Variants in GALNT1 observed in about 807,000 individuals in gnomAD.
The protein encoded by GALNT1 is GalNAc transferase 1.
GALNT1 carries 17 observed loss-of-function variants against 65.7 expected under a neutral mutation model. The ratio of observed to expected loss-of-function variants is 0.26; its 90% CI spans 0.18 to 0.39. The LOEUF is 0.39. Among genes scored for constraint, GALNT1 ranks in the 10% least tolerant of loss-of-function variants. The probability of loss-of-function intolerance (pLI) is 1.00; values close to 1 mark genes in which losing one functional copy is unlikely to be tolerated. For synonymous variants in GALNT1, 210 were observed against 219.7 expected (o/e 0.96, Z 0.39); for missense variants, 460 against 672.8 (o/e 0.68, Z 3.50).
At chr18:35,703,064 C>A in intron 10 of GALNT1, 69 bp downstream of exon 10, 1 of 815,834 alleles carries the variant, frequency 1.2e-6, no homozygotes, top group African/African-American at 1.8e-5. Context: ...TTTTTTTATA[C>A]CATGACATCA....
At chr18:35,679,507 C>G (rs896637171) in intron 4 of GALNT1, among the ~76,000 whole-genome samples, 4 of 152,140 alleles carry the variant, frequency 2.6e-5, no homozygotes, top group African/African-American at 9.7e-5. Context: ...TCACCCAACA[C>G]CCCAATCTGT....
At chr18:35,706,503 AAAAAT>A (rs146003367) in intron 11 of GALNT1, among the ~76,000 whole-genome samples, 12,347 of 152,100 alleles carry the variant, frequency 0.081, 554 homozygotes, top group African/African-American at 0.12. Flanking sequence ...CTCCATCTCA[AAAAAT>A]AAAATTAAAT....
At chr18:35,644,991 A>AAAAT (rs555079414) in intron 1 of GALNT1, among the ~76,000 whole-genome samples, 1 of 151,994 alleles carries the variant, frequency 6.6e-6, no homozygotes. Context: ...ACTCTGTCTC[A>AAAAT]AAATAAATAA....
chr18:35,621,669 G>C (rs975643030), intron 1 of GALNT1, among the ~76,000 whole-genome samples: 5 of 152,122 alleles, frequency 3.3e-5, no homozygotes, highest in Non-Finnish European at 7.4e-5. Flanking sequence ...TGTGGTTTGT[G>C]CTTTTTGAAT....
At chr18:35,612,423 T>C (rs1414659136) in intron 1 of GALNT1, among the ~76,000 whole-genome samples, 1 of 152,236 alleles carries the variant, frequency 6.6e-6, no homozygotes, top group Non-Finnish European at 1.5e-5. Context: ...TTTAACCATT[T>C]TTTCAGTAAA....
chr18:35,624,146 G>T (rs946496168), intron 1 of GALNT1, among the ~76,000 whole-genome samples: 1 of 152,156 alleles, frequency 6.6e-6, no homozygotes, highest in Non-Finnish European at 1.5e-5. Flanking sequence ...AGCCTTTGGA[G>T]TCTGTCCTGT....
chr18:35,621,153 A>G (rs536563770), intron 1 of GALNT1, among the ~76,000 whole-genome samples: 24 of 151,296 alleles, frequency 1.6e-4, no homozygotes, highest in African/African-American at 5.8e-4. Flanking sequence ...CCATTTTTCA[A>G]TTGTGTGTGT....
chr18:35,655,641 A>G (rs1461261882), intron 2 of GALNT1, among the ~76,000 whole-genome samples: 1 of 151,942 alleles, frequency 6.6e-6, no homozygotes, highest in Non-Finnish European at 1.5e-5. Flanking sequence ...TAGAAATTAT[A>G]TACAAATAAT....
chr18:35,636,234 A>T (rs1295291682), intron 1 of GALNT1, among the ~76,000 whole-genome samples: 1 of 152,174 alleles, frequency 6.6e-6, no homozygotes, highest in Admixed American at 6.5e-5. Context: ...TGCAATGTGA[A>T]TCTACCAGGA....
chr18:35,621,367 G>A (rs1237478288), intron 1 of GALNT1, among the ~76,000 whole-genome samples: 4 of 145,538 alleles, frequency 2.7e-5, no homozygotes, highest in Non-Finnish European at 6.0e-5. Flanking sequence ...TTTACTTTTT[G>A]CTTTTTGTAG....
chr18:35,701,065 T>C (rs1352736552), intron 9 of GALNT1, among the ~76,000 whole-genome samples: 1 of 152,096 alleles, frequency 6.6e-6, no homozygotes, highest in Non-Finnish European at 1.5e-5. Context: ...TTTATCACAA[T>C]ATGAACTTTT....
chr18:35,589,633 CCTT>C (rs1423805287), intron 1 of GALNT1, among the ~76,000 whole-genome samples: 2 of 152,112 alleles, frequency 1.3e-5, no homozygotes, highest in Non-Finnish European at 2.9e-5. Context: ...AGGTCCCTAG[CCTT>C]CTTCTCTCCA....
intron 1 of GALNT1, among the ~76,000 whole-genome samples, chr18:35,639,300 A>G (rs661349): frequency 0.61 from 93,380 of 152,066 alleles, 29,081 homozygotes; most frequent in Middle Eastern, 0.72. Context: ...CATCAACACT[A>G]AGGCAAGACC....
chr18:35,645,480 G>A (rs1237849472), intron 1 of GALNT1, among the ~76,000 whole-genome samples: 1 of 151,966 alleles, frequency 6.6e-6, no homozygotes, highest in Non-Finnish European at 1.5e-5. Flanking sequence ...TGATCCGCCC[G>A]TGGCCTCCCA....
intron 1 of GALNT1, among the ~76,000 whole-genome samples, chr18:35,646,180 G>C (rs1043977490): frequency 4.6e-5 from 7 of 152,140 alleles, no homozygotes; most frequent in African/African-American, 1.4e-4. Flanking sequence ...AGAAAGAGGT[G>C]GGGGAAGTGC....
At chr18:35,671,176 T>C (rs2144525285) in intron 3 of GALNT1, among the ~76,000 whole-genome samples, 1 of 152,306 alleles carries the variant, frequency 6.6e-6, no homozygotes, top group Non-Finnish European at 1.5e-5. Flanking sequence ...CTCATGTTCA[T>C]AGGCAGCCTA....
intron 1 of GALNT1, among the ~76,000 whole-genome samples, chr18:35,599,563 G>C (rs1437262418): frequency 6.6e-6 from 1 of 151,950 alleles, no homozygotes; most frequent in East Asian, 1.9e-4. Context: ...ATAAAGACCT[G>C]GTTTCACCAG....
chr18:35,594,658 T>C (rs1391001899), intron 1 of GALNT1, among the ~76,000 whole-genome samples: 3 of 152,178 alleles, frequency 2.0e-5, no homozygotes, highest in African/African-American at 7.2e-5. Flanking sequence ...GAGTACCTTA[T>C]TACAAAGGTA....
chr18:35,680,516 T>C (rs1336585913), intron 4 of GALNT1, among the ~76,000 whole-genome samples: 2 of 152,196 alleles, frequency 1.3e-5, no homozygotes, highest in Non-Finnish European at 2.9e-5. Flanking sequence ...ATAACAACAG[T>C]CTAGAATTAT....
Sources: allele counts gnomAD v4.1 joint callset (sites outside exome capture counted in the v4.1 genomes callset), GRCh38; gene constraint gnomAD v4.1.1; transcripts MANE v1.5; gene names NCBI Gene and HGNC (gene_info 2026-07-23, HGNC 2026-07-21).